RERE: variants seen among roughly 807,000 people sequenced by gnomAD.
The protein encoded by RERE is arginine-glutamic acid dipeptide repeats.
In RERE, 40 loss-of-function variants were observed where a neutral mutation model predicts 146.1. The observed-to-expected ratio is 0.27, with a 90% CI of 0.21 to 0.36. RERE has a LOEUF of 0.36. Among genes scored for constraint, RERE ranks in the 10% least tolerant of loss-of-function variants. RERE has a pLI of 1.00. For synonymous variants in RERE, 1,003 were observed against 866.0 expected, an observed-to-expected ratio of 1.16 and a Z score of -2.78; for missense variants, 1,933 against 2,138.7, an observed-to-expected ratio of 0.90 and a Z score of 1.90.
chr1:8,697,157 C>T (rs563225710), intron 1 of RERE, among the ~76,000 whole-genome samples: 2 of 152,124 alleles, frequency 1.3e-5, no homozygotes, highest in African/African-American at 2.4e-5. Flanking sequence ...GGAAAGAGCA[C>T]AGGCTAAGGA....
chr1:8,451,511 T>C (rs1644390536), intron 11 of RERE, among the ~76,000 whole-genome samples: 1 of 152,168 alleles, frequency 6.6e-6, no homozygotes, highest in Admixed American at 6.5e-5. Context: ...CCACCCACTT[T>C]GGCTGCATAT....
chr1:8,638,427 G>T (rs577811959), intron 2 of RERE, among the ~76,000 whole-genome samples: 1 of 152,246 alleles, frequency 6.6e-6, no homozygotes, highest in South Asian at 2.1e-4. Flanking sequence ...AAATAAAGAT[G>T]CAATTTTTTC....
intron 1 of RERE, among the ~76,000 whole-genome samples, chr1:8,739,443 A>G (rs974880510): frequency 6.6e-5 from 10 of 152,322 alleles, no homozygotes; most frequent in African/African-American, 2.4e-4. Flanking sequence ...GCTGCTGGTC[A>G]CTAAGAGCTG....
chr1:8,685,288 A>G (rs976186551), intron 1 of RERE, among the ~76,000 whole-genome samples: 2 of 152,272 alleles, frequency 1.3e-5, no homozygotes, highest in Admixed American at 6.5e-5. Flanking sequence ...TATTTGCTAA[A>G]TAACGGTAAG....
intron 1 of RERE, among the ~76,000 whole-genome samples, chr1:8,779,886 A>C (rs1641134720): frequency 6.6e-6 from 1 of 152,158 alleles, no homozygotes; most frequent in Non-Finnish European, 1.5e-5. Flanking sequence ...GCTTACACTC[A>C]TTTATTTAAA....
chr1:8,527,466 T>C (rs1374909587), intron 7 of RERE, among the ~76,000 whole-genome samples: 1 of 152,338 alleles, frequency 6.6e-6, no homozygotes, highest in East Asian at 1.9e-4. Context: ...ATCTAACCCT[T>C]TCATATGGAA....
At chr1:8,639,658 C>T (rs1557450686) in intron 2 of RERE, among the ~76,000 whole-genome samples, 2 of 152,158 alleles carry the variant, frequency 1.3e-5, no homozygotes, top group Non-Finnish European at 2.9e-5. Context: ...TATTTCTATG[C>T]TGTGAAATAG....
rs1192509784 is a variant in RERE, at chr1:8,532,439, GGA to G, written c.830+8773_830+8774del. 3.1e-5 allele frequency among the ~76,000 whole-genome samples: 4 copies of G among 128,350 alleles called. No homozygotes were observed. The East Asian group carries it at 1.1e-3, about 36-fold the overall frequency. 84.2% of individuals were successfully genotyped at this position (128,350 alleles called of 152,430 possible). On this transcript the variant is annotated intron_variant, in intron 7 of 22. Coordinates refer to ENST00000400908, the MANE Select transcript of RERE (RefSeq NM_001042681.2). Reference sequence around the variant, plus strand: ...TATTTGGGGGGGGTCCGGGGAGGGGGGAGACAGAGTTTCACTTGTTACCCAGG... The same window carrying G: ...TATTTGGGGGGGGTCCGGGGAGGGGGGACAGAGTTTCACTTGTTACCCAGG...
At chr1:8,418,965 T>C (rs1360824418) in intron 12 of RERE, among the ~76,000 whole-genome samples, 3 of 152,278 alleles carry the variant, frequency 2.0e-5, no homozygotes, top group Middle Eastern at 3.4e-3. Context: ...TATACAAATA[T>C]ACTAACACTT....
intron 1 of RERE, among the ~76,000 whole-genome samples, chr1:8,756,941 A>T (rs913336129): frequency 3.9e-5 from 6 of 152,124 alleles, no homozygotes; most frequent in African/African-American, 1.4e-4. Flanking sequence ...AATACAAAAA[A>T]TTAGTCAGGC....
At chr1:8,403,446 T>C (rs915287414) in intron 12 of RERE, among the ~76,000 whole-genome samples, 2 of 151,268 alleles carry the variant, frequency 1.3e-5, no homozygotes, top group African/African-American at 2.4e-5. Flanking sequence ...TTTTTTTTTT[T>C]TTCCTGCTTC....
At chr1:8,670,208 G>T (rs1570589470) in intron 1 of RERE, among the ~76,000 whole-genome samples, 1 of 152,192 alleles carries the variant, frequency 6.6e-6, no homozygotes, top group East Asian at 1.9e-4. Flanking sequence ...AGAGCCACTA[G>T]AACAACTCAA....
At position 8,479,784 on chromosome 1, in the gene RERE, G is replaced by C. The variant is rs1644806641; in HGVS notation, c.1105-13761C>G. 2.0e-5 allele frequency among the ~76,000 whole-genome samples: 3 copies of C among 152,260 alleles called. No homozygotes were observed. In the South Asian group the frequency reaches 6.2e-4, roughly 32 times the overall value. Reference sequence around the variant, plus strand: ...GAGAGAACACCTCTCTGTCGTTTAAGCCACCAAGTTTGGGTAATTTGTTAC... The same window carrying C: ...GAGAGAACACCTCTCTGTCGTTTAACCCACCAAGTTTGGGTAATTTGTTAC... On this transcript the variant is annotated intron_variant, in intron 10 of 22. Coordinates refer to ENST00000400908, the MANE Select transcript of RERE (RefSeq NM_001042681.2).
intron 12 of RERE, among the ~76,000 whole-genome samples, chr1:8,408,033 C>A (rs2124451785): frequency 6.6e-6 from 1 of 152,288 alleles, no homozygotes; most frequent in East Asian, 1.9e-4. Context: ...TCTATGAACG[C>A]TGGCATTAAA....
chr1:8,459,710 CTG>C (rs1644502386), intron 11 of RERE, among the ~76,000 whole-genome samples: 3 of 152,152 alleles, frequency 2.0e-5, no homozygotes, highest in Admixed American at 2.0e-4. Flanking sequence ...AAGCCAGACA[CTG>C]TGAGACGACG....
In RERE at chr1:8,361,828, G is replaced by A. The variant is rs747684419; in HGVS notation, c.1951C>T (p.Arg651Trp). ...SSPLKSNKRQREKVASDTEEA... is the reference protein window; with the variant it reads ...SSPLKSNKRQWEKVASDTEEA... ...TCCGTATCAGAGGCCACCTTCTCCC[G>A]CTGGCGTTTGTTACTCTTAAGAGGG... Residue 651 changes from arginine (R) to tryptophan (W), a missense_variant, in exon 17 of 23, where the codon CGG (arginine) becomes TGG (tryptophan). Arg to Trp is a moderately radical substitution (Grantham distance 101, BLOSUM62 -3). Coordinates refer to ENST00000400908, the MANE Select transcript of RERE (RefSeq NM_001042681.2). The A allele has an allele frequency of 2.7e-5, 43 of 1,613,920 alleles. 1 individual carries two copies. Among genetic ancestry groups the A allele is most frequent in the Non-Finnish European group, 3.5e-5 (41 of 1,179,932 alleles).
intron 9 of RERE, among the ~76,000 whole-genome samples, chr1:8,496,977 C>T (rs950586334): frequency 2.6e-5 from 4 of 152,192 alleles, no homozygotes; most frequent in Admixed American, 1.3e-4. Flanking sequence ...CTGCACCTAT[C>T]AACCCGTCAT....
At chr1:8,620,246 G>A (rs1020061962) in intron 3 of RERE, among the ~76,000 whole-genome samples, 5 of 152,268 alleles carry the variant, frequency 3.3e-5, no homozygotes, top group East Asian at 3.9e-4. Context: ...TACTCAGAGC[G>A]AACAGGATAA....
At chr1:8,362,587 T>A (rs1048349227) in intron 16 of RERE, 96 bp downstream of exon 16, 54 of 1,475,394 alleles carry the variant, frequency 3.7e-5, no homozygotes, top group Non-Finnish European at 4.8e-5. Flanking sequence ...ATGAGCTGCA[T>A]CCTCGTGTCT....
Sources: gnomAD v4.1 joint callset for allele counts (sites outside exome capture counted in the v4.1 genomes callset) on GRCh38, gnomAD v4.1.1 for gene constraint, MANE v1.5 for transcripts, NCBI Gene and HGNC (gene_info 2026-07-23, HGNC 2026-07-21) for gene names.